The following HABP2 variants were observed in gnomAD, a reference collection of about 807,000 sequenced individuals.
The protein encoded by HABP2 is factor VII-activating protease.
HABP2 carries 65 observed loss-of-function variants against 66.5 expected under a neutral mutation model. The ratio of observed to expected loss-of-function variants is 0.98; its 90% CI spans 0.80 to 1.20. The LOEUF (loss-of-function observed/expected upper bound fraction) is 1.20, where lower values mean the gene tolerates loss of function less well. Ranked by LOEUF, HABP2 falls within the 50% of genes most tolerant of loss-of-function variation. The pLI, the probability that HABP2 is intolerant of heterozygous loss-of-function variation, is 0.00. For synonymous variants in HABP2, 263 were observed against 253.9 expected, an observed-to-expected ratio of 1.04 and a Z score of -0.34; for missense variants, 786 against 691.0, an observed-to-expected ratio of 1.14 and a Z score of -1.54.
Position 113,553,178 on chromosome 10 carries a change from GAC to G in HABP2, c.59_60del (p.Thr20SerfsTer20). ...VLLLMALVGK[T>X]ACGFSLMSLL... is the part of the protein sequence containing the mutation. ...TGCTGTTAATGGCTCTGGTGGGAAA[GAC>G]AGCCTGTGGGGTAAGTGTTCTTTTC... On this transcript the variant is annotated frameshift_variant, in exon 1 of 13. Coordinates refer to ENST00000351270, the MANE Select transcript of HABP2 (RefSeq NM_004132.5). LOFTEE classifies it high-confidence loss of function. The G allele has an allele frequency of 6.2e-7, 1 of 1,610,894 alleles. No individual in the cohort carries two copies. Among genetic ancestry groups the G allele is most frequent in the Non-Finnish European group, 8.5e-7 (1 of 1,176,990 alleles).
At chr10:113,566,227 T>G (rs1845195079) in intron 1 of HABP2, among the ~76,000 whole-genome samples, 1 of 152,236 alleles carries the variant, frequency 6.6e-6, no homozygotes, top group African/African-American at 2.4e-5. Flanking sequence ...CAGCAAACTT[T>G]GTAAAATGTC....
intron 4 of HABP2, among the ~76,000 whole-genome samples, chr10:113,576,652 G>T (rs970614028): frequency 1.3e-5 from 2 of 152,062 alleles, no homozygotes; most frequent in African/African-American, 4.8e-5. Context: ...GGAGGGAAGT[G>T]GGGCCTTAGG....
chr10:113,562,277 C>A (rs574507955), intron 1 of HABP2, among the ~76,000 whole-genome samples: 1 of 152,226 alleles, frequency 6.6e-6, no homozygotes, highest in Non-Finnish European at 1.5e-5. Context: ...GAGAAGTGGG[C>A]AGTGGCTTAC....
intron 11 of HABP2, among the ~76,000 whole-genome samples, chr10:113,585,535 C>T (rs1162974225): frequency 6.6e-6 from 1 of 152,166 alleles, no homozygotes; most frequent in African/African-American, 2.4e-5. Flanking sequence ...CTATTTCCTC[C>T]TGAACCTCAT....
At chr10:113,565,501 G>T (rs1444462140) in intron 1 of HABP2, among the ~76,000 whole-genome samples, 1 of 152,192 alleles carries the variant, frequency 6.6e-6, no homozygotes. Context: ...GGATGGAAGT[G>T]CCAGGCTCTT....
At chr10:113,568,034 G>A (rs867092366) in intron 2 of HABP2, among the ~76,000 whole-genome samples, 1 of 152,366 alleles carries the variant, frequency 6.6e-6, no homozygotes, top group Non-Finnish European at 1.5e-5. Flanking sequence ...CAGGCTCGAC[G>A]CGTCTACCAC....
chr10:113,558,573 G>T (rs190897115), intron 1 of HABP2, among the ~76,000 whole-genome samples: 2 of 152,204 alleles, frequency 1.3e-5, no homozygotes, highest in South Asian at 2.1e-4. Context: ...ACTTTCTCAC[G>T]CTGTGTTTTC....
chr10:113,589,196 CTTTCCT>C lies in HABP2; in HGVS notation c.*833_*838del. ...GGAGCATTTAACAGGCTCACCCTCC[CTTTCCT>C]TTTCCCCTCTTCTACCCTCCCCAAG... is the stretch of plus-strand genomic sequence containing the variant. On this transcript the variant is annotated 3_prime_UTR_variant, in exon 13 of 13. Transcript: ENST00000351270. The C allele has an allele frequency of 1.3e-6, 1 of 767,170 alleles. No individual in the cohort carries two copies. Among genetic ancestry groups the C allele is most frequent in the Non-Finnish European group, 2.1e-6 (1 of 477,740 alleles). The allele number at this position is 767,170 out of a possible 1,614,324, so 47.5% of individuals were successfully genotyped here. A position where few individuals can be genotyped will look rare whatever the true frequency, so the allele number is the denominator to read the frequency against.
At chr10:113,575,013 T>C (rs1845383530) in intron 3 of HABP2, among the ~76,000 whole-genome samples, 1 of 103,292 alleles carries the variant, frequency 9.7e-6, no homozygotes, top group Non-Finnish European at 1.9e-5. Flanking sequence ...TGTGGCTTCT[T>C]AACCCAAGCA....
Position 113,585,820 on chromosome 10 carries a change from C to G in HABP2, c.1400C>G (p.Ala467Gly). Reference sequence around the variant, plus strand: ...AAAGGGTCCCGCCAGCTCCTGGATGCCAAAGTCAAGCTGATTGCCAACACT... The same window carrying G: ...AAAGGGTCCCGCCAGCTCCTGGATGGCAAAGTCAAGCTGATTGCCAACACT... ...TGKGSRQLLD[A>G]KVKLIANTLC... The change falls in exon 12 of 13, where the codon GCC becomes GGC. Residue 467 changes from alanine (A) to glycine (G), a missense_variant. Ala to Gly is a moderately conservative substitution (Grantham distance 60). Transcript: ENST00000351270. 6.2e-7 allele frequency: 1 copy of G among 1,613,610 alleles called. No homozygotes were observed. Among genetic ancestry groups the G allele is most frequent in the Non-Finnish European group, 8.5e-7 (1 of 1,179,500 alleles).
chr10:113,551,077 A>G (rs1844890278), upstream of HABP2: 1 of 152,240 alleles, frequency 6.6e-6, no homozygotes, highest in African/African-American at 2.4e-5. Context: ...TGAGTTGGCT[A>G]TGCTATCTAA....
intron 1 of HABP2, among the ~76,000 whole-genome samples, chr10:113,556,129 CT>C (rs1286463889): frequency 9.2e-5 from 14 of 152,222 alleles, no homozygotes; most frequent in Non-Finnish European, 1.6e-4. Context: ...ACTCTAGAAT[CT>C]TCCCAGGGAT....
At chr10:113,566,123 C>G (rs955532317) in intron 1 of HABP2, among the ~76,000 whole-genome samples, 1 of 152,192 alleles carries the variant, frequency 6.6e-6, no homozygotes, top group Non-Finnish European at 1.5e-5. Flanking sequence ...AACTGCCTAG[C>G]TTGATGTATC....
intron 2 of HABP2, 70 bp from the exon 3 acceptor site, chr10:113,574,219 A>C: frequency 1.3e-6 from 1 of 799,216 alleles, no homozygotes; most frequent in Non-Finnish European, 2.2e-6. Flanking sequence ...AAGGTGTCCA[A>C]CTAAATAAAA....
intron 4 of HABP2, 104 bp downstream of exon 4, chr10:113,576,108 G>A (rs1378462158): frequency 4.1e-6 from 3 of 727,252 alleles, no homozygotes. Flanking sequence ...GATTATAACT[G>A]CAATACTGTA....
chr10:113,563,297 T>C (rs901391425), intron 1 of HABP2, among the ~76,000 whole-genome samples: 1 of 152,186 alleles, frequency 6.6e-6, no homozygotes, highest in African/African-American at 2.4e-5. Flanking sequence ...AGGAGGCAAA[T>C]ACTGTGTCCA....
chr10:113,587,421 C>T (rs1845666207), intron 12 of HABP2, among the ~76,000 whole-genome samples: 1 of 152,272 alleles, frequency 6.6e-6, no homozygotes, highest in Admixed American at 6.5e-5. Context: ...GAATTGAAAC[C>T]TGTTTCTGTC....
At chr10:113,571,199 G>A (rs1845302061) in intron 2 of HABP2, among the ~76,000 whole-genome samples, 1 of 152,228 alleles carries the variant, frequency 6.6e-6, no homozygotes, top group Admixed American at 6.5e-5. Flanking sequence ...CTTCTGGGCT[G>A]CATCGGGCTC....
intron 2 of HABP2, 131 bp downstream of exon 2, chr10:113,567,656 C>CT: frequency 1.4e-6 from 1 of 702,858 alleles, no homozygotes; most frequent in Non-Finnish European, 2.6e-6. Context: ...TCACAGGCAC[C>CT]TTTGAGAACT....
Sources: allele counts gnomAD v4.1 joint callset (sites outside exome capture counted in the v4.1 genomes callset), GRCh38; gene constraint gnomAD v4.1.1; transcripts MANE v1.5; gene names NCBI Gene and HGNC (gene_info 2026-07-23, HGNC 2026-07-21).